The following ARHGAP32 variants were observed in gnomAD, a reference collection of about 807,000 sequenced individuals.
ARHGAP32 encodes rho GTPase-activating protein 32.
Under a neutral mutation model 186.5 loss-of-function variants are expected in ARHGAP32, and 51 were observed. That is an observed-to-expected ratio of 0.27 (90% CI 0.22 to 0.35). The LOEUF (loss-of-function observed/expected upper bound fraction) is 0.35, where lower values mean the gene tolerates loss of function less well. Among genes scored for constraint, ARHGAP32 ranks in the 10% least tolerant of loss-of-function variants. The probability of loss-of-function intolerance (pLI) is 1.00; values close to 1 mark genes in which losing one functional copy is unlikely to be tolerated. For missense variants in ARHGAP32, 2,186 were observed against 2,623.5 expected, an observed-to-expected ratio of 0.83 and a Z score of 3.64; for synonymous variants, 950 against 964.3, an observed-to-expected ratio of 0.99 and a Z score of 0.27.
intron 1 of ARHGAP32, among the ~76,000 whole-genome samples, chr11:129,183,813 T>C (rs544246726): frequency 3.9e-5 from 6 of 152,214 alleles, no homozygotes; most frequent in African/African-American, 7.2e-5. Flanking sequence ...TCAGTGAATG[T>C]TCCCTGCAGA....
At chr11:129,110,721 C>T (rs1377853621) in intron 5 of ARHGAP32, among the ~76,000 whole-genome samples, 1 of 151,994 alleles carries the variant, frequency 6.6e-6, no homozygotes, top group South Asian at 2.1e-4. Context: ...TTCTTCTTTT[C>T]ATTTTCAGCT....
chr11:129,062,250 T>A (rs1940530778), intron 10 of ARHGAP32, 30 bp downstream of exon 10: 1 of 1,603,454 alleles, frequency 6.2e-7, no homozygotes, highest in African/African-American at 1.3e-5. Flanking sequence ...TTCCTTTGAA[T>A]TTTCCCACAC....
intron 2 of ARHGAP32, among the ~76,000 whole-genome samples, chr11:129,150,445 G>A (rs1451250217): frequency 6.6e-6 from 1 of 152,058 alleles, no homozygotes; most frequent in Non-Finnish European, 1.5e-5. Flanking sequence ...ACGAAAGAAA[G>A]AATCTTAAGA....
intron 1 of ARHGAP32, among the ~76,000 whole-genome samples, chr11:129,169,030 T>C (rs1206750796): frequency 3.3e-5 from 5 of 152,168 alleles, no homozygotes; most frequent in Non-Finnish European, 5.9e-5. Context: ...GCAAAATTCA[T>C]AGCTCTAAAT....
At chr11:129,080,860 A>G (rs1293156338) in intron 6 of ARHGAP32, among the ~76,000 whole-genome samples, 2 of 152,098 alleles carry the variant, frequency 1.3e-5, no homozygotes, top group Non-Finnish European at 2.9e-5. Flanking sequence ...ACCATTGGCA[A>G]TATCAACCAA....
intron 5 of ARHGAP32, among the ~76,000 whole-genome samples, chr11:129,104,460 T>C (rs1421633996): frequency 6.6e-6 from 1 of 152,062 alleles, no homozygotes; most frequent in African/African-American, 2.4e-5. Context: ...TTTTGAGTTA[T>C]GATTTTAATT....
chr11:129,194,682 G>C (rs187354191), upstream of ARHGAP32, among the ~76,000 whole-genome samples: 1 of 152,012 alleles, frequency 6.6e-6, no homozygotes, highest in Admixed American at 6.6e-5. Flanking sequence ...CCCGGGAGGT[G>C]GAGATTGTTG....
rs1278736088 is a variant in ARHGAP32, at chr11:129,063,819, T to TCA, written c.885+82_885+83insTG. The stretch of plus-strand genomic sequence containing the variant: ...TGGTGCTTTTCATTTTTTTAAAAAT[T>TCA]AAGGAAATGGTTAAGAACAGTCAAA... On this transcript the variant is annotated intron_variant, in intron 9 of 22. Transcript: ENST00000682385. 365 of 1,387,008 alleles carry TCA rather than the reference T, an allele frequency of 2.6e-4. 4 individuals carry two copies. In the South Asian group the frequency reaches 6.2e-3, roughly 23 times the overall value. The allele number at this position is 1,387,008 out of a possible 1,614,324, so 85.9% of individuals were successfully genotyped here. A position where few individuals can be genotyped will look rare whatever the true frequency, so the allele number is the denominator to read the frequency against.
chr11:128,998,554 T>C, intron 11 of ARHGAP32, 86 bp from the exon 12 acceptor site: 1 of 995,214 alleles, frequency 1.0e-6, no homozygotes, highest in Non-Finnish European at 1.4e-6. Flanking sequence ...CTCAAGAGGC[T>C]GACAGCAAAA....
chr11:129,089,968 A>AAG (rs761636274), intron 6 of ARHGAP32, among the ~76,000 whole-genome samples: 1 of 152,078 alleles, frequency 6.6e-6, no homozygotes, highest in African/African-American at 2.4e-5. Flanking sequence ...GTTCAATGAA[A>AAG]AGAGAGAGAG....
chr11:129,005,539 G>GT (rs1029660418), intron 11 of ARHGAP32, among the ~76,000 whole-genome samples: 6 of 152,068 alleles, frequency 3.9e-5, no homozygotes, highest in Non-Finnish European at 8.8e-5. Context: ...CTAGGGCAAA[G>GT]TTTTTTTCCT....
At chr11:129,039,944 T>G (rs531413878) in intron 11 of ARHGAP32, among the ~76,000 whole-genome samples, 30 of 152,242 alleles carry the variant, frequency 2.0e-4, no homozygotes, top group African/African-American at 7.2e-4. Flanking sequence ...AACAATAAAG[T>G]TAGTCTAAAA....
At chr11:129,138,722 GTC>G (rs1942988436) in intron 2 of ARHGAP32, among the ~76,000 whole-genome samples, 1 of 152,098 alleles carries the variant, frequency 6.6e-6, no homozygotes, top group Admixed American at 6.6e-5. Flanking sequence ...TTATTTATGT[GTC>G]TAACCCTTTC....
chr11:129,104,516 T>C (rs879355789), intron 5 of ARHGAP32, among the ~76,000 whole-genome samples: 5 of 152,070 alleles, frequency 3.3e-5, no homozygotes, highest in Admixed American at 1.3e-4. Flanking sequence ...TTCTATTTTC[T>C]GGTTTCCAAA....
chr11:128,973,376 T>A lies in ARHGAP32; in HGVS notation c.3130A>T (p.Ile1044Phe). ...TTTTTCGGAGGCGGTGGTGGTGGGA[T>A]AAGAGAGACTGAACTGACAGGAACG... is the stretch of plus-strand genomic sequence containing the variant. ...DSVPVSSVSL[I>F]PPPPPPKNVA... The change falls in exon 22 of 23, where the codon ATC becomes TTC. Residue 1044 changes from isoleucine (I) to phenylalanine (F), a missense_variant. Physicochemically the swap from Ile to Phe is conservative, Grantham distance 21. Around this residue, in one of 5 missense-constraint regions of ARHGAP32, gnomAD observed 1,502 missense variants for 1,570.0 expected, o/e 0.96. Transcript: ENST00000682385. The A allele has an allele frequency of 1.2e-6, 2 of 1,613,974 alleles. No homozygotes were observed. Among genetic ancestry groups the A allele is most frequent in the South Asian group, 2.2e-5 (2 of 91,060 alleles).
At chr11:129,069,936 A>G (rs953298226) in intron 6 of ARHGAP32, among the ~76,000 whole-genome samples, 1 of 151,992 alleles carries the variant, frequency 6.6e-6, no homozygotes, top group African/African-American at 2.4e-5. Context: ...TTTTTCAGCC[A>G]ACACTCTTTA....
chr11:129,078,483 A>G (rs555528464), intron 6 of ARHGAP32, among the ~76,000 whole-genome samples: 57 of 152,296 alleles, frequency 3.7e-4, no homozygotes, highest in African/African-American at 1.3e-3. Flanking sequence ...AAAATAATTC[A>G]GAAGGCTAAT....
chr11:129,236,139 T>C (rs140186417), intron 1 of ARHGAP32, among the ~76,000 whole-genome samples: 3 of 152,208 alleles, frequency 2.0e-5, no homozygotes. Flanking sequence ...CTTTAAGGAA[T>C]CTCCACACTG....
chr11:129,003,407 T>A (rs1937618338), intron 11 of ARHGAP32, among the ~76,000 whole-genome samples: 1 of 152,232 alleles, frequency 6.6e-6, no homozygotes, highest in Admixed American at 6.5e-5. Context: ...AGAATTCGTT[T>A]GGAAGTACTC....
Sources: allele counts gnomAD v4.1 joint callset (sites outside exome capture counted in the v4.1 genomes callset), GRCh38; gene constraint gnomAD v4.1.1; regional missense constraint gnomAD v4.1.1; transcripts MANE v1.5; gene names NCBI Gene and HGNC (gene_info 2026-07-23, HGNC 2026-07-21).